TOMM70: variants seen among roughly 807,000 people sequenced by gnomAD.
The protein encoded by TOMM70 is translocase of outer mitochondrial membrane 70.
Under a neutral mutation model 73.6 loss-of-function variants are expected in TOMM70, and 13 were observed. The ratio of observed to expected loss-of-function variants is 0.18; its 90% CI spans 0.11 to 0.28. The LOEUF is 0.28. TOMM70 is among the 10% of genes least tolerant of loss of function. The probability of loss-of-function intolerance (pLI) is 1.00; values close to 1 mark genes in which losing one functional copy is unlikely to be tolerated. For synonymous variants in TOMM70, 257 were observed against 271.2 expected, an observed-to-expected ratio of 0.95 and a Z score of 0.51; for missense variants, 609 against 747.5, an observed-to-expected ratio of 0.81 and a Z score of 2.16.
chr3:100,384,700 T>C lies in TOMM70; in HGVS notation c.626-112A>G, dbSNP rs2148892451. 7 of 620,324 alleles carry C rather than the reference T, an allele frequency of 1.1e-5. No homozygotes were observed. The South Asian group carries it at 1.9e-4, about 17-fold the overall frequency. The allele number at this position is 620,324 out of a possible 1,614,324, so 38.4% of individuals were successfully genotyped here. A position where few individuals can be genotyped will look rare whatever the true frequency, so the allele number is the denominator to read the frequency against. On this transcript the variant is annotated intron_variant, in intron 3 of 11. Transcript: ENST00000284320. ...AAGCCAAACTAAATTCATGGCCAAA[T>C]GGGACTGTTTCATTTCCAATTAACT...
At chr3:100,400,106 G>A (rs1194831921) in intron 1 of TOMM70, among the ~76,000 whole-genome samples, 1 of 152,112 alleles carries the variant, frequency 6.6e-6, no homozygotes, top group Admixed American at 6.5e-5. Context: ...TATGTAGAAA[G>A]CCATCTAATC....
intron 9 of TOMM70, among the ~76,000 whole-genome samples, chr3:100,370,966 CAAT>C (rs1454067178): frequency 1.3e-5 from 2 of 152,164 alleles, no homozygotes; most frequent in African/African-American, 4.8e-5. Flanking sequence ...AATTCCATGA[CAAT>C]GATGAGGATG....
intron 3 of TOMM70, among the ~76,000 whole-genome samples, chr3:100,385,909 A>G (rs1343248810): frequency 6.6e-6 from 1 of 152,186 alleles, no homozygotes; most frequent in East Asian, 1.9e-4. Context: ...AAACACTATC[A>G]CTTGCTAAAA....
chr3:100,400,934 G>A lies in TOMM70; in HGVS notation c.16C>T (p.Pro6Ser), dbSNP rs764188668. Residue 6 changes from proline (P) to serine (S), a missense_variant, in exon 1 of 12, where the codon CCT (proline) becomes TCT (serine). By Grantham distance (74) the Pro-to-Ser change is moderately conservative. Around this residue, in one of 2 missense-constraint regions of TOMM70, gnomAD observed 177 missense variants for 163.5 expected, o/e 1.08. Coordinates refer to ENST00000284320, the MANE Select transcript of TOMM70 (RefSeq NM_014820.5). The stretch of plus-strand genomic sequence containing the variant: ...GCTGCGACCACCGCTGCCTCCACAG[G>A]TTTAGAGGCGGCCATGACAAGTGTC... MAASKPVEAAVVAAAV... is the reference protein window; with the variant it reads MAASKSVEAAVVAAAV... 2.0e-6 allele frequency: 3 copies of A among 1,531,500 alleles called. No homozygotes were observed. The African/African-American group carries it at 4.2e-5, about 21-fold the overall frequency. The allele number at this position is 1,531,500 out of a possible 1,614,324, so 94.9% of individuals were successfully genotyped here. A position where few individuals can be genotyped will look rare whatever the true frequency, so the allele number is the denominator to read the frequency against.
At chr3:100,374,361 A>G (rs964598846) in intron 7 of TOMM70, among the ~76,000 whole-genome samples, 3 of 152,236 alleles carry the variant, frequency 2.0e-5, no homozygotes, top group Admixed American at 6.5e-5. Flanking sequence ...AAAATCGCCT[A>G]ATAATGCACT....
At chr3:100,389,407 G>T (rs1706733712) in intron 1 of TOMM70, among the ~76,000 whole-genome samples, 1 of 152,130 alleles carries the variant, frequency 6.6e-6, no homozygotes, top group Non-Finnish European at 1.5e-5. Context: ...GAGTAAATAT[G>T]GCAGTAATTG....
rs1051678321 is a variant in TOMM70, at chr3:100,375,235, T to C, written c.1093-83A>G. 2.1e-6 allele frequency: 3 copies of C among 1,439,754 alleles called. No individual in the cohort carries two copies. The South Asian group carries it at 4.6e-5, about 22-fold the overall frequency. 89.2% of individuals were successfully genotyped at this position (1,439,754 alleles called of 1,614,324 possible). On this transcript the variant is annotated intron_variant, in intron 6 of 11. Transcript: ENST00000284320. ...TTCTTTAAATAACAGCTTTTTTCTA[T>C]AATCCACATATCACAAAGGTCACCC...
Position 100,401,041 on chromosome 3 carries a change from G to A in TOMM70, c.-92C>T, listed in dbSNP as rs1706896647. 3.0e-6 allele frequency: 4 copies of A among 1,340,088 alleles called. No homozygotes were observed. Among genetic ancestry groups the A allele is most frequent in the Admixed American group, 4.2e-5 (2 of 47,950 alleles). 83.0% of individuals were successfully genotyped at this position (1,340,088 alleles called of 1,614,324 possible). On this transcript the variant is annotated 5_prime_UTR_variant, in exon 1 of 12. Transcript: ENST00000284320. Reference sequence around the variant, plus strand: ...AGGAAGACCGAGGGAGGGAAGGAAAGCAATGAGCGAGCGAGCACGCTAGGC... The same window carrying A: ...AGGAAGACCGAGGGAGGGAAGGAAAACAATGAGCGAGCGAGCACGCTAGGC...
chr3:100,387,008 C>CT, intron 1 of TOMM70, 30 bp from the exon 2 acceptor site: 1 of 1,604,982 alleles, frequency 6.2e-7, no homozygotes, highest in East Asian at 2.2e-5. Flanking sequence ...TTATCAAACA[C>CT]TAATCAACAT....
intron 1 of TOMM70, 51 bp from the exon 2 acceptor site, chr3:100,387,029 A>G (rs1356627536): frequency 6.4e-7 from 1 of 1,556,988 alleles, no homozygotes. Context: ...TCACAGACTC[A>G]GACCACAGTA....
At chr3:100,393,384 G>C (rs917811426) in intron 1 of TOMM70, among the ~76,000 whole-genome samples, 1 of 152,044 alleles carries the variant, frequency 6.6e-6, no homozygotes, top group Non-Finnish European at 1.5e-5. Context: ...TTATAAGTGG[G>C]AGCTAAACTG....
chr3:100,377,700 T>C lies in TOMM70; in HGVS notation c.1092+5A>G. On this transcript the variant is annotated splice_donor_5th_base_variant and intron_variant, in intron 6 of 11. Coordinates refer to ENST00000284320, the MANE Select transcript of TOMM70 (RefSeq NM_014820.5). ...TAATTTCTTCACACACATTTTTTAA[T>C]GTACCTTCACATTAGCTTCTTTCAA... The C allele has an allele frequency of 6.3e-7, 1 of 1,598,270 alleles. No homozygotes were observed. The highest frequency in any genetic ancestry group is 8.6e-7 in the Non-Finnish European group (1 of 1,167,388).
intron 6 of TOMM70, among the ~76,000 whole-genome samples, 174 bp from the exon 7 acceptor site, chr3:100,375,326 T>C (rs144053544): frequency 0.011 from 1,638 of 152,330 alleles, 24 homozygotes; most frequent in African/African-American, 0.038. Context: ...TACCACTATC[T>C]AATTCCAGAA....
In TOMM70 at chr3:100,384,522, A is replaced by G; in HGVS notation, c.692T>C (p.Val231Ala). 1 of 1,611,726 alleles carries G rather than the reference A, an allele frequency of 6.2e-7. No individual in the cohort carries two copies. The highest frequency in any genetic ancestry group is 8.5e-7 in the Non-Finnish European group (1 of 1,179,228). Residue 231 changes from valine (V) to alanine (A), a missense_variant, in exon 4 of 12, where the codon GTT becomes GCT. Val to Ala is a moderately conservative substitution (Grantham distance 64, BLOSUM62 0). Around this residue, in one of 2 missense-constraint regions of TOMM70, gnomAD observed 432 missense variants for 584.1 expected, o/e 0.74. Transcript: ENST00000284320. Reference protein sequence around the residue: ...NQQSMLLADKVLKLLGKEKAK... With the variant: ...NQQSMLLADKALKLLGKEKAK... ...TTTCTCTTTTCCAAGGAGTTTAAGAACTTTATCGGCTAACAGCATGCTTTG... is the reference window on the plus strand; with the variant it reads ...TTTCTCTTTTCCAAGGAGTTTAAGAGCTTTATCGGCTAACAGCATGCTTTG...
chr3:100,369,219 T>G (rs752383264), intron 9 of TOMM70, 84 bp from the exon 10 acceptor site: 4 of 937,108 alleles, frequency 4.3e-6, no homozygotes, highest in Non-Finnish European at 6.5e-6. Flanking sequence ...TTATAAAAAT[T>G]TACTTCATTC....
At chr3:100,400,534 C>T (rs1559837029) in intron 1 of TOMM70, 92 bp downstream of exon 1, 9 of 1,436,006 alleles carry the variant, frequency 6.3e-6, no homozygotes, top group Non-Finnish European at 8.6e-6. Context: ...TGGCAGCTTC[C>T]GTCTGATGGG....
At chr3:100,378,554 T>C (rs1706592130) in intron 5 of TOMM70, among the ~76,000 whole-genome samples, 1 of 152,064 alleles carries the variant, frequency 6.6e-6, no homozygotes, top group Admixed American at 6.5e-5. Context: ...ATCTGCAACA[T>C]AGGTAAGGAT....
At position 100,386,293 on chromosome 3, in the gene TOMM70, G is replaced by T. The variant is rs1706691304; in HGVS notation, c.550C>A (p.Pro184Thr). Residue 184 changes from proline (P) to threonine (T), a missense_variant, in exon 3 of 12, where the codon CCC becomes ACC. Around this residue, in one of 2 missense-constraint regions of TOMM70, gnomAD observed 432 missense variants for 584.1 expected, o/e 0.74. Coordinates refer to ENST00000284320, the MANE Select transcript of TOMM70 (RefSeq NM_014820.5). ...CTAAAGAGAGCTTTCACATATTTGG[G>T]ATTAAGTTCAACAGCTTTTGTACAG... is the stretch of plus-strand genomic sequence containing the variant. ...QDCTKAVELN[P>T]KYVKALFRRA... The T allele has an allele frequency of 1.9e-6, 3 of 1,612,988 alleles. No homozygotes were observed.
chr3:100,398,731 A>G (rs1706852075), intron 1 of TOMM70, among the ~76,000 whole-genome samples: 1 of 152,240 alleles, frequency 6.6e-6, no homozygotes, highest in African/African-American at 2.4e-5. Context: ...GCTAAGGTCA[A>G]GGAGACAAAA....
Sources: gnomAD v4.1 joint callset for allele counts (sites outside exome capture counted in the v4.1 genomes callset) on GRCh38, gnomAD v4.1.1 for gene constraint, gnomAD v4.1.1 regional missense constraint, MANE v1.5 for transcripts, NCBI Gene and HGNC (gene_info 2026-07-23, HGNC 2026-07-21) for gene names.